Variants in ZC3H7A observed in about 807,000 individuals in gnomAD.
The protein encoded by ZC3H7A is zinc finger CCCH domain-containing protein 7A.
In ZC3H7A, 44 loss-of-function variants were observed where a neutral mutation model predicts 125.5. The ratio of observed to expected loss-of-function variants is 0.35; its 90% CI spans 0.28 to 0.45. ZC3H7A has a LOEUF of 0.45. Among genes scored for constraint, ZC3H7A ranks in the 20% least tolerant of loss-of-function variants. The probability of loss-of-function intolerance (pLI) is 1.00; values close to 1 mark genes in which losing one functional copy is unlikely to be tolerated. For synonymous variants in ZC3H7A, 399 were observed against 391.2 expected (o/e 1.02, Z -0.23); for missense variants, 977 against 1,170.7 (o/e 0.83, Z 2.41).
chr16:11,751,471 C>A lies in ZC3H7A; in HGVS notation c.2762G>T (p.Cys921Phe). The A allele has an allele frequency of 1.2e-6, 2 of 1,614,140 alleles. No homozygotes were observed. The highest frequency in any genetic ancestry group is 1.7e-6 in the Non-Finnish European group (2 of 1,180,018). ...TTCGGCATTTCCATGTGCAAATTTA[C>A]AGCTGTTTCCTTCTGGGCAGGTGCC... ...MNGTCPEGNSCKFAHGNAELH... is the reference protein window; with the variant it reads ...MNGTCPEGNSFKFAHGNAELH... Residue 921 changes from cysteine (C) to phenylalanine (F), a missense_variant, in exon 23 of 23, where the codon TGT (cysteine) becomes TTT (phenylalanine). By Grantham distance (205) the Cys-to-Phe change is radical. Transcript: ENST00000355758.
At position 11,763,500 on chromosome 16, in the gene ZC3H7A, G is replaced by C. The variant is rs375869934; in HGVS notation, c.1980C>G (p.Val660=). Residue 660 remains valine (V), a synonymous_variant, in exon 16 of 23, where the codon GTC becomes GTG. Transcript: ENST00000355758. ...FYAHSLVELK[V]WIMQNETGIS... ...TACCTGTTTCATTTTGCATTATCCA[G>C]ACTTTCAGTTCCACAAGACTATGGG... 8.0e-5 allele frequency: 128 copies of C among 1,602,640 alleles called. No homozygotes were observed. The highest frequency in any genetic ancestry group is 1.0e-4 in the Non-Finnish European group (121 of 1,173,906).
Position 11,751,104 on chromosome 16 carries a change from G to C in ZC3H7A, c.*213C>G, listed in dbSNP as rs759716760. On this transcript the variant is annotated 3_prime_UTR_variant, in exon 23 of 23. Transcript: ENST00000355758. ...TTCAACAGATGGCAACCGGGTAGCA[G>C]TCACTTCACCATCTGATGCCAGTGG... 4.2e-6 allele frequency: 2 copies of C among 477,806 alleles called. No homozygotes were observed. Among genetic ancestry groups the C allele is most frequent in the Non-Finnish European group, 7.4e-6 (2 of 271,222 alleles). 29.6% of individuals were successfully genotyped at this position (477,806 alleles called of 1,614,324 possible).
At chr16:11,756,510 G>A in intron 20 of ZC3H7A, 140 bp from the exon 21 acceptor site, 1 of 1,080,560 alleles carries the variant, frequency 9.3e-7, no homozygotes, top group Non-Finnish European at 1.3e-6. Context: ...TATTAGACAT[G>A]GAGAGATCAC....
Position 11,766,457 on chromosome 16 carries a change from C to T in ZC3H7A, c.1523-772G>A, listed in dbSNP as rs1262319121. 4.6e-5 allele frequency among the ~76,000 whole-genome samples: 7 copies of T among 152,256 alleles called. No individual in the cohort carries two copies. In the East Asian group the frequency reaches 7.7e-4, roughly 17 times the overall value. The stretch of plus-strand genomic sequence containing the variant: ...GCACACGCCTGTAATTCCAGCTATT[C>T]GGTAGCTGAGTCATGAGAAAATTGC... On this transcript the variant is annotated intron_variant, in intron 13 of 22. Transcript: ENST00000355758.
chr16:11,751,175 C>A lies in ZC3H7A; in HGVS notation c.*142G>T. ...GCCTGTGAAACAGCCCATTTTCCTA[C>A]CTACTGTGGGTTGCTGCTCAGGAGG... On this transcript the variant is annotated 3_prime_UTR_variant, in exon 23 of 23. Coordinates refer to ENST00000355758, the MANE Select transcript of ZC3H7A (RefSeq NM_014153.4). 2 of 841,130 alleles carry A rather than the reference C, an allele frequency of 2.4e-6. No individual in the cohort carries two copies. Among genetic ancestry groups the A allele is most frequent in the Non-Finnish European group, 3.5e-6 (2 of 567,446 alleles). 52.1% of individuals were successfully genotyped at this position (841,130 alleles called of 1,614,324 possible). A position where few individuals can be genotyped will look rare whatever the true frequency, so the allele number is the denominator to read the frequency against.
At chr16:11,763,313 T>A (rs990784685) in intron 16 of ZC3H7A, 165 bp downstream of exon 16, 1 of 550,260 alleles carries the variant, frequency 1.8e-6, no homozygotes, top group African/African-American at 2.0e-5. Context: ...TTTGCCGTAC[T>A]GGCCAGACTG....
chr16:11,793,684 G>T (rs1281886163), intron 1 of ZC3H7A, among the ~76,000 whole-genome samples: 2 of 152,174 alleles, frequency 1.3e-5, no homozygotes, highest in Non-Finnish European at 2.9e-5. Context: ...ATTGGCAACA[G>T]TATATTAACT....
At chr16:11,780,977 A>G (rs1290681436) in intron 3 of ZC3H7A, among the ~76,000 whole-genome samples, 1 of 152,146 alleles carries the variant, frequency 6.6e-6, no homozygotes, top group African/African-American at 2.4e-5. Context: ...TGTCCCACTT[A>G]TTTTCAATGA....
intron 1 of ZC3H7A, among the ~76,000 whole-genome samples, chr16:11,792,640 C>A (rs2053372535): frequency 6.6e-6 from 1 of 152,154 alleles, no homozygotes; most frequent in African/African-American, 2.4e-5. Context: ...ATTTAATCCT[C>A]CTGCTAACCT....
chr16:11,759,808 CTTCT>C (rs1031867538), intron 19 of ZC3H7A: 36 of 152,372 alleles, frequency 2.4e-4, no homozygotes, highest in African/African-American at 8.7e-4. Flanking sequence ...AGTATAATTT[CTTCT>C]TTAAGAAAAA....
rs1395751865 is a variant in ZC3H7A at position 11,758,409 on chromosome 16, C to T, written c.2428+22G>A. 3 of 1,561,194 alleles carry T rather than the reference C, an allele frequency of 1.9e-6. No homozygotes were observed. In the African/African-American group the frequency reaches 4.1e-5, roughly 21 times the overall value. On this transcript the variant is annotated intron_variant, in intron 20 of 22. Transcript: ENST00000355758. ...ACTTTCAGGCAAGCTAGCTCAAGGA[C>T]ACAGCTAAAAGATTAACTTACTCCC...
intron 10 of ZC3H7A, 23 bp downstream of exon 10, chr16:11,770,760 T>G: frequency 6.3e-7 from 1 of 1,583,070 alleles, no homozygotes; most frequent in Non-Finnish European, 8.6e-7. Context: ...TGCAATTGTT[T>G]ACAATTTAGA....
chr16:11,775,114 T>C (rs1378409478), intron 7 of ZC3H7A, 101 bp from the exon 8 acceptor site: 13 of 1,303,844 alleles, frequency 1.0e-5, no homozygotes, highest in African/African-American at 1.5e-5. Context: ...GGCTCACGCC[T>C]GTAATCCCAG....
At chr16:11,755,519 G>C (rs1245553300) in intron 21 of ZC3H7A, among the ~76,000 whole-genome samples, 1 of 152,152 alleles carries the variant, frequency 6.6e-6, no homozygotes, top group East Asian at 1.9e-4. Context: ...CCAGACTGCA[G>C]GCGTAAGCGG....
intron 1 of ZC3H7A, chr16:11,796,457 T>C (rs1596412029): frequency 6.6e-6 from 1 of 152,444 alleles, no homozygotes; most frequent in Admixed American, 6.5e-5. Flanking sequence ...TCCTGGCAAA[T>C]CCACCCAGTC....
In ZC3H7A at chr16:11,765,832, G is replaced by A. The variant is rs940292452; in HGVS notation, c.1523-147C>T. ...TGATCTTGCCACTGCACTCCAGCCT[G>A]GGCAACAGAGCAAGTCCCAGTGTCA... On this transcript the variant is annotated intron_variant, in intron 13 of 22. Transcript: ENST00000355758. This position sits in a 1 kb window ranked among gnomAD's most constrained non-coding sequence, Gnocchi z 4.8. The A allele has an allele frequency of 5.3e-6, 3 of 564,506 alleles. No homozygotes were observed. The highest frequency in any genetic ancestry group is 8.7e-6 in the Non-Finnish European group (3 of 345,220). 35.0% of individuals were successfully genotyped at this position (564,506 alleles called of 1,614,324 possible).
At chr16:11,754,748 C>A (rs574969588) in intron 21 of ZC3H7A, among the ~76,000 whole-genome samples, 2 of 151,362 alleles carry the variant, frequency 1.3e-5, no homozygotes, top group Non-Finnish European at 2.9e-5. Context: ...AAAAATTAGC[C>A]GTGCGTGGTG....
chr16:11,791,179 C>T (rs1480874863), intron 1 of ZC3H7A, among the ~76,000 whole-genome samples: 7 of 151,486 alleles, frequency 4.6e-5, no homozygotes, highest in East Asian at 3.9e-4. Flanking sequence ...TTGCTTGGGA[C>T]GCTGGATGAA....
rs1567378477 is a variant in ZC3H7A, at chr16:11,765,483, A to C, written c.1719+6T>G. The stretch of plus-strand genomic sequence containing the variant: ...TACAGTGGAAAATAAGTTTTGGAGA[A>C]CACACCTCACAAAGGAATATAAATT... On this transcript the variant is annotated splice_donor_region_variant and intron_variant, in intron 14 of 22. Transcript: ENST00000355758. This position sits in a 1 kb window ranked among gnomAD's most constrained non-coding sequence, Gnocchi z 4.8. 1.2e-6 allele frequency: 2 copies of C among 1,606,896 alleles called. No homozygotes were observed.
Sources: gnomAD v4.1 joint callset for allele counts (sites outside exome capture counted in the v4.1 genomes callset) on GRCh38, gnomAD v4.1.1 for gene constraint, Gnocchi (gnomAD v3.1) non-coding constraint, MANE v1.5 for transcripts, NCBI Gene and HGNC (gene_info 2026-07-23, HGNC 2026-07-21) for gene names.